The following ESYT2 variants were observed in gnomAD, a reference collection of about 807,000 sequenced individuals.
The protein encoded by ESYT2 is extended synaptotagmin 2.
ESYT2 carries 54 observed loss-of-function variants against 107.2 expected under a neutral mutation model. The ratio of observed to expected loss-of-function variants is 0.50; its 90% CI spans 0.40 to 0.63. ESYT2 has a LOEUF of 0.63. Among genes scored for constraint, ESYT2 ranks in the 30% least tolerant of loss-of-function variants. The pLI is 0.00. For missense variants in ESYT2, 1,020 were observed against 1,094.5 expected (o/e 0.93, Z 0.96); for synonymous variants, 491 against 434.1 (o/e 1.13, Z -1.63).
chr7:158,754,460 C>T (rs1041022567), intron 13 of ESYT2, among the ~76,000 whole-genome samples: 5 of 152,202 alleles, frequency 3.3e-5, no homozygotes, highest in Middle Eastern at 3.4e-3. Context: ...ATCCACCCAC[C>T]TCAGCCTCCC....
chr7:158,783,745 G>A (rs1359246952), intron 6 of ESYT2, among the ~76,000 whole-genome samples: 1 of 152,254 alleles, frequency 6.6e-6, no homozygotes. Context: ...GAGAACCACA[G>A]AGGTGTGCAC....
rs138049495 is a variant in ESYT2, at chr7:158,790,050, G to A, written c.585-1633C>T. ...GGGAGAGTCCTCCTGGGGGCGGAGCGTCCTCCTGGGGGCGGAGCGTCCTCC... is the reference window on the plus strand; with the variant it reads ...GGGAGAGTCCTCCTGGGGGCGGAGCATCCTCCTGGGGGCGGAGCGTCCTCC... On this transcript the variant is annotated intron_variant, in intron 4 of 22. Coordinates refer to ENST00000275418, the MANE Select transcript of ESYT2 (RefSeq NM_001367773.1). Among the ~76,000 whole-genome samples the A allele has an allele frequency of 2.8e-3, 418 of 151,634 alleles. 2 individuals are homozygous for A. The highest frequency in any genetic ancestry group is 9.7e-3 in the African/African-American group (403 of 41,352).
At position 158,814,326 on chromosome 7, in the gene ESYT2, T is replaced by A. The variant is rs1414998649; in HGVS notation, c.330+14763A>T. 2.8e-3 allele frequency among the ~76,000 whole-genome samples: 14 copies of A among 5,062 alleles called. 3 individuals carry two copies. The highest frequency in any genetic ancestry group is 0.011 in the East Asian group (10 of 938). The allele number at this position is 5,062 out of a possible 152,430, so 3.3% of individuals were successfully genotyped here. A position where few individuals can be genotyped will look rare whatever the true frequency, so the allele number is the denominator to read the frequency against. On this transcript the variant is annotated intron_variant, in intron 1 of 22. Coordinates refer to ENST00000275418, the MANE Select transcript of ESYT2 (RefSeq NM_001367773.1). ...ATATATATATATATATATATATATA[T>A]ATATATATATATATATATATGAAAT...
At chr7:158,746,178 C>T (rs775901473) in intron 16 of ESYT2, among the ~76,000 whole-genome samples, 2 of 151,638 alleles carry the variant, frequency 1.3e-5, no homozygotes, top group East Asian at 1.9e-4. Context: ...CTCAGGAGTT[C>T]GAGACCAGCC....
intron 15 of ESYT2, 137 bp from the exon 16 acceptor site, chr7:158,748,417 A>T (rs1189817803): frequency 1.5e-6 from 1 of 678,196 alleles, no homozygotes; most frequent in Non-Finnish European, 2.5e-6. Context: ...GGTTGACCTT[A>T]ATTAAATTCC....
chr7:158,824,234 T>C (rs1156936576), intron 1 of ESYT2, among the ~76,000 whole-genome samples: 1 of 152,170 alleles, frequency 6.6e-6, no homozygotes, highest in Non-Finnish European at 1.5e-5. Context: ...AGCATCCTCA[T>C]CCTATCTGCA....
At chr7:158,738,329 ACACACACACACACAGACACAC>A (rs1837049479) in intron 19 of ESYT2, among the ~76,000 whole-genome samples, 6 of 84,778 alleles carry the variant, frequency 7.1e-5, no homozygotes, top group African/African-American at 1.9e-4. Context: ...AAAAAAAAAT[ACACACACACACACAGACACAC>A]ACACACACAC....
rs1836779191 is a variant in ESYT2 at position 158,732,333 on chromosome 7, A to G, written c.*1874T>C. 1 of 152,228 alleles carries G rather than the reference A, an allele frequency of 6.6e-6. No individual in the cohort carries two copies. The highest frequency in any genetic ancestry group is 6.5e-5 in the Admixed American group (1 of 15,278). The allele number at this position is 152,228 out of a possible 1,614,324, so 9.4% of individuals were successfully genotyped here. ...TTAATGTTGTTACCTGTCTTCCATA[A>G]ATACCATAGTTAAATGTTTTGTGTG... On this transcript the variant is annotated 3_prime_UTR_variant, in exon 23 of 23. Coordinates refer to ENST00000275418, the MANE Select transcript of ESYT2 (RefSeq NM_001367773.1).
rs562760023 is a variant in ESYT2 at position 158,734,150 on chromosome 7, G to A, written c.*57C>T. 2.9e-5 allele frequency: 46 copies of A among 1,575,012 alleles called. No homozygotes were observed. The South Asian group carries it at 4.9e-4, about 17-fold the overall frequency. ...AACATTGGTACGTCTGTGAGAGGGT[G>A]TGTTCCGGGTAGAGGTGGAGAGCTA... On this transcript the variant is annotated 3_prime_UTR_variant, in exon 23 of 23. Transcript: ENST00000275418.
chr7:158,828,662 G>A (rs1388356286), intron 1 of ESYT2, among the ~76,000 whole-genome samples: 1 of 152,230 alleles, frequency 6.6e-6, no homozygotes, highest in Non-Finnish European at 1.5e-5. Flanking sequence ...CTTGGACGGA[G>A]GGAGGGCACG....
intron 1 of ESYT2, among the ~76,000 whole-genome samples, chr7:158,809,473 T>TTAAAAAAAA: frequency 2.0e-4 from 1 of 4,948 alleles, no homozygotes; most frequent in African/African-American, 6.3e-4. Flanking sequence ...AGAATCCATC[T>TTAAAAAAAA]CAAAAAAAAA....
intron 13 of ESYT2, among the ~76,000 whole-genome samples, chr7:158,758,733 G>C (rs965245632): frequency 1.3e-5 from 2 of 152,168 alleles, no homozygotes; most frequent in African/African-American, 4.8e-5. Flanking sequence ...CATCAAACAA[G>C]ATGACATGAC....
chr7:158,788,481 C>T, intron 4 of ESYT2, 64 bp from the exon 5 acceptor site: 2 of 1,318,418 alleles, frequency 1.5e-6, no homozygotes, highest in Middle Eastern at 3.7e-4. Flanking sequence ...TCATTATAGA[C>T]CTGCAAGATG....
rs773352431 is a variant in ESYT2, at chr7:158,739,121, G to A, written c.2169C>T (p.Asn723=). Residue 723 remains asparagine (N), a splice_region_variant and synonymous_variant, in exon 19 of 23, where the codon AAC becomes AAT. Transcript: ENST00000275418. ...GTGGAGACTGTCCCAGGGTCGTCCC[G>A]CTGTGGGAAAAGAGCAGAAAGTCAC... ...ELRQRLRQLE[N]GTTLGQSPLG... The A allele has an allele frequency of 2.8e-5, 45 of 1,613,746 alleles. No homozygotes were observed. Among genetic ancestry groups the A allele is most frequent in the African/African-American group, 9.3e-5 (7 of 74,898 alleles).
At chr7:158,817,294 C>T (rs1840172542) in intron 1 of ESYT2, among the ~76,000 whole-genome samples, 1 of 152,348 alleles carries the variant, frequency 6.6e-6, no homozygotes, top group African/African-American at 2.4e-5. Flanking sequence ...CATCTATTCT[C>T]TCTGAAGCCT....
chr7:158,740,114 G>A (rs181604808), intron 18 of ESYT2, among the ~76,000 whole-genome samples: 2 of 152,230 alleles, frequency 1.3e-5, no homozygotes, highest in Admixed American at 1.3e-4. Context: ...CTGCAGCTTT[G>A]ACTGACGAGA....
intron 16 of ESYT2, among the ~76,000 whole-genome samples, chr7:158,745,945 CAAAGT>C (rs1275757269): frequency 6.6e-6 from 1 of 151,590 alleles, no homozygotes. Flanking sequence ...AGCAAAGACC[CAAAGT>C]AAGTGGGACT....
chr7:158,768,710 G>A (rs543397760), intron 7 of ESYT2, among the ~76,000 whole-genome samples: 1 of 152,328 alleles, frequency 6.6e-6, no homozygotes, highest in South Asian at 2.1e-4. Context: ...AAGCCACCAC[G>A]CCTGGTCAAA....
rs1429803264 is a variant in ESYT2 at position 158,782,287 on chromosome 7, ATG to A, written c.747+5715_747+5716del. ...TGAGTGTGAGAACAAAATGTGAGAA[ATG>A]TGTGAAACAAGTGAACAAGTGTGAG... On this transcript the variant is annotated intron_variant, in intron 6 of 22. Coordinates refer to ENST00000275418, the MANE Select transcript of ESYT2 (RefSeq NM_001367773.1). 1.2e-3 allele frequency among the ~76,000 whole-genome samples: 63 copies of A among 53,802 alleles called. 1 individual carries two copies. In the South Asian group the frequency reaches 0.025, roughly 21 times the overall value. 35.3% of individuals were successfully genotyped at this position (53,802 alleles called of 152,430 possible).
Sources: gnomAD v4.1 joint callset for allele counts (sites outside exome capture counted in the v4.1 genomes callset) on GRCh38, gnomAD v4.1.1 for gene constraint, MANE v1.5 for transcripts, NCBI Gene and HGNC (gene_info 2026-07-23, HGNC 2026-07-21) for gene names.